Variants in SIPA1L3 observed in about 807,000 individuals in gnomAD.
The protein encoded by SIPA1L3 is signal-induced proliferation-associated 1-like protein 3.
SIPA1L3 carries 59 observed loss-of-function variants against 150.1 expected under a neutral mutation model. That is an observed-to-expected ratio of 0.39 (90% CI 0.32 to 0.49). The LOEUF is 0.49. Ranked by LOEUF, SIPA1L3 falls within the 20% of genes least tolerant of loss-of-function variation. SIPA1L3 has a pLI of 0.86. For missense variants in SIPA1L3, 2,211 were observed against 2,489.5 expected, an observed-to-expected ratio of 0.89 and a Z score of 2.38; for synonymous variants, 1,070 against 1,077.6, an observed-to-expected ratio of 0.99 and a Z score of 0.14.
At chr19:37,954,671 A>G (rs1173744202) in intron 1 of SIPA1L3, among the ~76,000 whole-genome samples, 2 of 152,188 alleles carry the variant, frequency 1.3e-5, no homozygotes, top group Non-Finnish European at 2.9e-5. Context: ...TCTCGGCTTT[A>G]AGAACCAGGC....
At position 38,067,063 on chromosome 19, in the gene SIPA1L3, C is replaced by T. The variant is rs575679796; in HGVS notation, c.-310-14193C>T. Among the ~76,000 whole-genome samples, 304 of 151,828 alleles carry T rather than the reference C, an allele frequency of 2.0e-3. 2 individuals are homozygous for T. The highest frequency in any genetic ancestry group is 3.6e-3 in the Non-Finnish European group (246 of 67,934). On this transcript the variant is annotated intron_variant, in intron 2 of 21. Transcript: ENST00000222345. Reference sequence around the variant, plus strand: ...ACCAGCCTGGGCAACGTAGCAAGACCCAGTCTCTACAAAAAAAAATTAAAA... The same window carrying T: ...ACCAGCCTGGGCAACGTAGCAAGACTCAGTCTCTACAAAAAAAAATTAAAA...
At chr19:37,939,072 C>T (rs1305151751) in intron 1 of SIPA1L3, among the ~76,000 whole-genome samples, 1 of 152,112 alleles carries the variant, frequency 6.6e-6, no homozygotes. Flanking sequence ...CTATTCTCCC[C>T]CCAATTCCAT....
At chr19:38,138,410 A>G (rs1971485691) in intron 10 of SIPA1L3, among the ~76,000 whole-genome samples, 1 of 152,198 alleles carries the variant, frequency 6.6e-6, no homozygotes, top group Non-Finnish European at 1.5e-5. Context: ...AACAGACTGA[A>G]ACATGGCGCC....
chr19:38,192,280 C>G lies in SIPA1L3; in HGVS notation c.4566C>G (p.Asn1522Lys), dbSNP rs558375742. The G allele has an allele frequency of 6.2e-7, 1 of 1,612,226 alleles. No homozygotes were observed. The highest frequency in any genetic ancestry group is 1.3e-5 in the African/African-American group (1 of 74,902). Residue 1522 changes from asparagine (N) to lysine (K), a missense_variant, in exon 17 of 22, where the codon AAC (asparagine) becomes AAG (lysine). By Grantham distance (94) the Asn-to-Lys change is moderately conservative. Around this residue, in one of 5 missense-constraint regions of SIPA1L3, gnomAD observed 806 missense variants for 870.1 expected, o/e 0.93. Transcript: ENST00000222345. ...DDLKKLIIMD[N>K]LGPEQERDTG... ...TGAAGAAACTCATCATCATGGACAA[C>G]CTGGGGCCAGAGCAGGAGAGAGACA...
chr19:37,932,495 G>A (rs1206799768), intron 1 of SIPA1L3: 2 of 152,280 alleles, frequency 1.3e-5, no homozygotes, highest in East Asian at 3.8e-4. Context: ...GCTGTTAGGA[G>A]CTGGCACGGC....
chr19:38,182,406 C>A, intron 15 of SIPA1L3, 113 bp from the exon 16 acceptor site: 1 of 779,122 alleles, frequency 1.3e-6, no homozygotes, highest in South Asian at 1.7e-5. Context: ...ATATTTGTGT[C>A]TGTCTTGTGC....
At chr19:38,162,737 G>T (rs192452647) in intron 14 of SIPA1L3, among the ~76,000 whole-genome samples, 2 of 152,222 alleles carry the variant, frequency 1.3e-5, no homozygotes, top group Non-Finnish European at 2.9e-5. Context: ...CGCCATTCAC[G>T]TGGTGATTCA....
intron 2 of SIPA1L3, among the ~76,000 whole-genome samples, chr19:38,052,038 A>G (rs1303790252): frequency 6.6e-6 from 1 of 152,206 alleles, no homozygotes; most frequent in Non-Finnish European, 1.5e-5. Flanking sequence ...CTGCCTTTGG[A>G]TCATTTTGAA....
chr19:38,179,797 A>G (rs1463249842), intron 15 of SIPA1L3, among the ~76,000 whole-genome samples: 1 of 152,176 alleles, frequency 6.6e-6, no homozygotes, highest in African/African-American at 2.4e-5. Context: ...ATTTCTGTCT[A>G]CTGACTCAGG....
intron 8 of SIPA1L3, among the ~76,000 whole-genome samples, chr19:38,118,384 C>T (rs1278216039): frequency 9.1e-6 from 1 of 109,948 alleles, no homozygotes; most frequent in African/African-American, 3.7e-5. Context: ...GAGATTGCGC[C>T]ACTGCCCTGA....
chr19:37,995,842 G>A (rs1967628590), intron 1 of SIPA1L3, among the ~76,000 whole-genome samples: 1 of 152,182 alleles, frequency 6.6e-6, no homozygotes, highest in East Asian at 1.9e-4. Context: ...CCTTGGCTTC[G>A]CTCTGCCAGC....
chr19:37,907,266 C>G lies in SIPA1L3; in HGVS notation c.-471C>G, dbSNP rs1599780020. 1.3e-5 allele frequency: 2 copies of G among 152,674 alleles called. No homozygotes were observed. The highest frequency in any genetic ancestry group is 6.5e-5 in the Admixed American group (1 of 15,310). 9.5% of individuals were successfully genotyped at this position (152,674 alleles called of 1,614,324 possible). A position where few individuals can be genotyped will look rare whatever the true frequency, so the allele number is the denominator to read the frequency against. ...GGAAGTGGGCAGCCTGGAAGTCACT[C>G]GGGCCACCGGAGCTGGCGGCGTCTC... On this transcript the variant is annotated 5_prime_UTR_variant, in exon 1 of 22. Coordinates refer to ENST00000222345, the MANE Select transcript of SIPA1L3 (RefSeq NM_015073.3).
At chr19:38,144,674 A>G (rs1971668060) in intron 12 of SIPA1L3, among the ~76,000 whole-genome samples, 4 of 152,198 alleles carry the variant, frequency 2.6e-5, no homozygotes, top group Admixed American at 2.6e-4. Context: ...TTCATTCAGC[A>G]AAGGGTCTCA....
At chr19:37,939,021 A>G (rs2046627756) in intron 1 of SIPA1L3, among the ~76,000 whole-genome samples, 1 of 151,992 alleles carries the variant, frequency 6.6e-6, no homozygotes, top group African/African-American at 2.4e-5. Flanking sequence ...AAAGTTTATG[A>G]TCCTCGGGTC....
intron 12 of SIPA1L3, among the ~76,000 whole-genome samples, chr19:38,151,162 G>A (rs1971813965): frequency 6.6e-6 from 1 of 152,168 alleles, no homozygotes; most frequent in Non-Finnish European, 1.5e-5. Context: ...GCAAAGAGAG[G>A]CCATCTTTTC....
At chr19:37,985,676 G>A (rs1160771558) in intron 1 of SIPA1L3, among the ~76,000 whole-genome samples, 1 of 152,212 alleles carries the variant, frequency 6.6e-6, no homozygotes, top group Non-Finnish European at 1.5e-5. Flanking sequence ...GTGAGAATGT[G>A]TTGGGAGGGA....
chr19:38,141,219 A>G lies in SIPA1L3; in HGVS notation c.3179A>G (p.Glu1060Gly). ...GAGACCTACGACATGAATACCTCGGAGCCCAAGACGGAGCAGGAAAGCATC... is the reference window on the plus strand; with the variant it reads ...GAGACCTACGACATGAATACCTCGGGGCCCAAGACGGAGCAGGAAAGCATC... The part of the protein sequence containing the change: ...WPETYDMNTS[E>G]PKTEQESITP... Residue 1060 changes from glutamate (E) to glycine (G), a missense_variant, in exon 11 of 22, where the codon GAG becomes GGG. By Grantham distance (98) the Glu-to-Gly change is moderately conservative. Around this residue, in one of 5 missense-constraint regions of SIPA1L3, gnomAD observed 625 missense variants for 804.2 expected, o/e 0.78. Transcript: ENST00000222345. The G allele has an allele frequency of 6.2e-7, 1 of 1,611,192 alleles. No homozygotes were observed. The highest frequency in any genetic ancestry group is 8.5e-7 in the Non-Finnish European group (1 of 1,178,334).
At chr19:38,099,785 C>T (rs907576403) in intron 4 of SIPA1L3, among the ~76,000 whole-genome samples, 177 bp from the exon 5 acceptor site, 5 of 152,214 alleles carry the variant, frequency 3.3e-5, no homozygotes, top group Admixed American at 6.5e-5. Context: ...TGGTCAAGAC[C>T]GCACAGCCAG....
intron 3 of SIPA1L3, among the ~76,000 whole-genome samples, chr19:38,084,548 T>TA (rs60242010): frequency 0.065 from 6,095 of 93,482 alleles, 235 homozygotes; most frequent in Non-Finnish European, 0.085. Context: ...GGGCTTTTCT[T>TA]AAAAAAAAAA....
Sources: gnomAD v4.1 joint callset for allele counts (sites outside exome capture counted in the v4.1 genomes callset) on GRCh38, gnomAD v4.1.1 for gene constraint, gnomAD v4.1.1 regional missense constraint, MANE v1.5 for transcripts, NCBI Gene and HGNC (gene_info 2026-07-23, HGNC 2026-07-21) for gene names.